MGAT4C: variants seen among roughly 807,000 people sequenced by gnomAD.
MGAT4C encodes alpha-1,3-mannosyl-glycoprotein 4-beta-N-acetylglucosaminyltransferase C.
In MGAT4C, 19 loss-of-function variants were observed where a neutral mutation model predicts 40.1. The ratio of observed to expected loss-of-function variants is 0.47; its 90% CI spans 0.33 to 0.70. MGAT4C has a LOEUF of 0.70. Ranked by LOEUF, MGAT4C falls within the 30% of genes least tolerant of loss-of-function variation. The pLI, the probability that MGAT4C is intolerant of heterozygous loss-of-function variation, is 0.02. For missense variants in MGAT4C, 491 were observed against 563.2 expected (o/e 0.87, Z 1.30); for synonymous variants, 181 against 187.1 (o/e 0.97, Z 0.27).
At chr12:86,211,168 A>C (rs2135958482) in intron 1 of MGAT4C, among the ~76,000 whole-genome samples, 1 of 150,118 alleles carries the variant, frequency 6.7e-6, no homozygotes, top group African/African-American at 2.4e-5. Context: ...GACGAGCAAA[A>C]GCCCTTGTTA....
chr12:86,474,896 A>G (rs1046744505), intron 2 of MGAT4C, among the ~76,000 whole-genome samples: 11 of 152,138 alleles, frequency 7.2e-5, no homozygotes. Flanking sequence ...AATTCCAACC[A>G]GTCAATAATT....
At chr12:86,031,539 T>G (rs1890755372) in intron 2 of MGAT4C, among the ~76,000 whole-genome samples, 1 of 151,764 alleles carries the variant, frequency 6.6e-6, no homozygotes, top group African/African-American at 2.4e-5. Flanking sequence ...ATATATCAGT[T>G]GGAAAAAGAC....
intron 2 of MGAT4C, among the ~76,000 whole-genome samples, chr12:85,990,614 G>T (rs1885788607): frequency 6.6e-6 from 1 of 151,974 alleles, no homozygotes; most frequent in Non-Finnish European, 1.5e-5. Context: ...GAATTTGTGG[G>T]TCCTTATAAA....
chr12:86,189,099 C>G (rs1459665052), intron 1 of MGAT4C, among the ~76,000 whole-genome samples: 1 of 151,766 alleles, frequency 6.6e-6, no homozygotes, highest in Non-Finnish European at 1.5e-5. Flanking sequence ...GGTTAAGACT[C>G]ATAAAATATT....
At chr12:86,656,781 C>T (rs1364633802) in intron 2 of MGAT4C, among the ~76,000 whole-genome samples, 2 of 151,986 alleles carry the variant, frequency 1.3e-5, no homozygotes, top group Non-Finnish European at 2.9e-5. Flanking sequence ...CCAAGTGTGT[C>T]TTTGCTTTTG....
At chr12:86,465,243 C>T (rs1358066699) in intron 2 of MGAT4C, among the ~76,000 whole-genome samples, 2 of 151,876 alleles carry the variant, frequency 1.3e-5, no homozygotes, top group Non-Finnish European at 2.9e-5. Context: ...GATAACAGAC[C>T]TAAATATAAA....
intron 1 of MGAT4C, among the ~76,000 whole-genome samples, chr12:86,834,542 G>A (rs1174099045): frequency 6.6e-6 from 1 of 151,396 alleles, no homozygotes; most frequent in Non-Finnish European, 1.5e-5. Flanking sequence ...AGTATTTTGT[G>A]ACATTTTGTC....
chr12:86,533,499 C>A (rs1341163724), intron 2 of MGAT4C, among the ~76,000 whole-genome samples: 1 of 151,798 alleles, frequency 6.6e-6, no homozygotes, highest in African/African-American at 2.4e-5. Context: ...TTTCCAGTAT[C>A]TCAGATCCTT....
chr12:86,215,646 G>T (rs1361322644), intron 1 of MGAT4C, among the ~76,000 whole-genome samples: 1 of 152,020 alleles, frequency 6.6e-6, no homozygotes, highest in African/African-American at 2.4e-5. Context: ...TGTTCACGTT[G>T]CTGTGGGGAG....
intron 1 of MGAT4C, among the ~76,000 whole-genome samples, chr12:86,092,430 C>T (rs1041113664): frequency 6.6e-6 from 1 of 151,922 alleles, no homozygotes; most frequent in Non-Finnish European, 1.5e-5. Flanking sequence ...TATTGTTTAT[C>T]TGAGGCCCAG....
At chr12:86,732,382 T>A (rs563985323) in intron 1 of MGAT4C, among the ~76,000 whole-genome samples, 15 of 152,308 alleles carry the variant, frequency 9.8e-5, no homozygotes, top group Admixed American at 3.3e-4. Flanking sequence ...TTGCACACTT[T>A]ATTTCTATTA....
intron 1 of MGAT4C, among the ~76,000 whole-genome samples, chr12:86,208,648 G>C (rs994753286): frequency 6.6e-6 from 1 of 151,798 alleles, no homozygotes; most frequent in East Asian, 1.9e-4. Context: ...CTCTATTGCA[G>C]TAGAGTTTTT....
intron 3 of MGAT4C, among the ~76,000 whole-genome samples, chr12:86,353,600 G>A (rs1955230017): frequency 6.6e-6 from 1 of 152,150 alleles, no homozygotes; most frequent in Non-Finnish European, 1.5e-5. Context: ...TACTCTCCAA[G>A]GTCTGTCCCA....
intron 1 of MGAT4C, among the ~76,000 whole-genome samples, chr12:86,765,603 G>A (rs1278708593): frequency 1.3e-5 from 2 of 152,132 alleles, no homozygotes; most frequent in Non-Finnish European, 2.9e-5. Context: ...AAAATGTAAA[G>A]GGCAGCCAGA....
intron 2 of MGAT4C, among the ~76,000 whole-genome samples, chr12:86,721,752 C>T (rs941409574): frequency 2.0e-5 from 3 of 152,034 alleles, no homozygotes; most frequent in South Asian, 2.1e-4. Flanking sequence ...CTTTATATAA[C>T]GTAAGATTGA....
chr12:86,815,807 A>G (rs1485204427), intron 1 of MGAT4C, among the ~76,000 whole-genome samples: 1 of 147,304 alleles, frequency 6.8e-6, no homozygotes, highest in Non-Finnish European at 1.5e-5. Context: ...AAGCTAAGCT[A>G]TGAGGACACA....
intron 2 of MGAT4C, among the ~76,000 whole-genome samples, chr12:86,005,098 C>T (rs1415029772): frequency 6.6e-6 from 1 of 152,178 alleles, no homozygotes; most frequent in Admixed American, 6.6e-5. Context: ...CTGCCCCAGT[C>T]ACCAGCCTGA....
intron 1 of MGAT4C, among the ~76,000 whole-genome samples, chr12:86,226,000 T>G (rs1951058954): frequency 6.6e-6 from 1 of 151,864 alleles, no homozygotes; most frequent in South Asian, 2.1e-4. Flanking sequence ...AAGAAGTCAA[T>G]TGTATCTCTT....
chr12:86,697,600 T>C (rs887255906), intron 2 of MGAT4C, among the ~76,000 whole-genome samples: 2 of 152,088 alleles, frequency 1.3e-5, no homozygotes, highest in African/African-American at 4.8e-5. Flanking sequence ...GTTTCAGATG[T>C]TTTTCTTTGG....
Sources: gnomAD v4.1 joint callset for allele counts (sites outside exome capture counted in the v4.1 genomes callset) on GRCh38, gnomAD v4.1.1 for gene constraint, MANE v1.5 for transcripts, NCBI Gene and HGNC (gene_info 2026-07-23, HGNC 2026-07-21) for gene names.